Variants in FRY observed in about 807,000 individuals in gnomAD.
The protein encoded by FRY is FRY microtubule binding protein, also known as protein furry homolog.
A neutral mutation model predicts 348.4 loss-of-function variants in FRY; 128 were observed. The observed-to-expected ratio is 0.37, with a 90% confidence interval of 0.32 to 0.43. FRY has a LOEUF of 0.43. Ranked by LOEUF, FRY falls within the 20% of genes least tolerant of loss-of-function variation. FRY has a pLI of 1.00. For missense variants in FRY, 2,736 were observed against 3,695.2 expected (o/e 0.74, Z 6.73); for synonymous variants, 1,370 against 1,374.7 (o/e 1.00, Z 0.08).
At chr13:32,075,942 G>C (rs922072104) in intron 1 of FRY, among the ~76,000 whole-genome samples, 4 of 152,182 alleles carry the variant, frequency 2.6e-5, no homozygotes, top group African/African-American at 9.6e-5. Flanking sequence ...CAGTAAGGCT[G>C]TTCATATAGT....
At chr13:32,114,292 T>G (rs1878161450) in intron 3 of FRY, among the ~76,000 whole-genome samples, 1 of 152,228 alleles carries the variant, frequency 6.6e-6, no homozygotes, top group African/African-American at 2.4e-5. Context: ...CTATAGCATC[T>G]TACACTGCCA....
chr13:32,294,322 C>A, intron 59 of FRY, 46 bp from the exon 60 acceptor site: 2 of 1,356,532 alleles, frequency 1.5e-6, no homozygotes, highest in East Asian at 4.8e-5. Flanking sequence ...ATGTAAAATT[C>A]CCCCAGCACC....
intron 3 of FRY, among the ~76,000 whole-genome samples, chr13:32,108,318 C>T (rs145664887): frequency 3.0e-4 from 46 of 152,198 alleles, no homozygotes; most frequent in African/African-American, 1.1e-3. Context: ...GCAGTAGAAT[C>T]GATAGGATTT....
At chr13:32,231,708 G>A (rs1885924759) in intron 41 of FRY, among the ~76,000 whole-genome samples, 1 of 152,072 alleles carries the variant, frequency 6.6e-6, no homozygotes, top group South Asian at 2.1e-4. Flanking sequence ...AATGTTTTTG[G>A]CTTTAAAAGT....
At chr13:32,214,948 A>G (rs980829722) in intron 35 of FRY, among the ~76,000 whole-genome samples, 2 of 152,224 alleles carry the variant, frequency 1.3e-5, no homozygotes, top group East Asian at 1.9e-4. Context: ...TTACAACTAG[A>G]TTAATGGTTC....
intron 60 of FRY, among the ~76,000 whole-genome samples, chr13:32,294,878 T>C (rs1240092119): frequency 6.6e-6 from 1 of 152,234 alleles, no homozygotes; most frequent in Admixed American, 6.5e-5. Flanking sequence ...CATTCTGATA[T>C]TGTATTCACA....
chr13:32,255,963 G>A (rs547984374), intron 51 of FRY, among the ~76,000 whole-genome samples: 12 of 152,174 alleles, frequency 7.9e-5, no homozygotes, highest in East Asian at 1.9e-4. Context: ...TTCCTGTCTC[G>A]GCCAGAGAAA....
chr13:32,046,524 C>T (rs900950698), intron 1 of FRY, among the ~76,000 whole-genome samples: 1 of 152,192 alleles, frequency 6.6e-6, no homozygotes, highest in South Asian at 2.1e-4. Flanking sequence ...AGTATCAGCC[C>T]GTTTGTGTTA....
In FRY at chr13:32,131,822, C is replaced by T. The variant is rs1158226142; in HGVS notation, c.867C>T (p.Ala289=). ...IKMYPVEDFE[A]SLQFMQECAH... is the part of the protein sequence containing the mutation. ...TGTATCCAGTGGAGGATTTTGAGGC[C>T]TCTCTTCAGTTTATGCAGGTAATGT... Residue 289 remains alanine, a synonymous_variant, in exon 8 of 61, where the codon GCC becomes GCT. Transcript: ENST00000542859. 1.9e-6 allele frequency: 3 copies of T among 1,613,410 alleles called. No homozygotes were observed. The highest frequency in any genetic ancestry group is 2.7e-5 in the African/African-American group (2 of 74,900).
chr13:32,241,893 T>C (rs1336066920), intron 46 of FRY, among the ~76,000 whole-genome samples: 5 of 152,236 alleles, frequency 3.3e-5, no homozygotes, highest in Non-Finnish European at 7.3e-5. Flanking sequence ...TATTAACTTC[T>C]GTTTCAATTA....
In FRY at chr13:32,254,349, C is replaced by T; in HGVS notation, c.7371C>T (p.Val2457=). 1.2e-6 allele frequency: 2 copies of T among 1,614,094 alleles called. No individual in the cohort carries two copies. Among genetic ancestry groups the T allele is most frequent in the Non-Finnish European group, 1.7e-6 (2 of 1,179,982 alleles). Residue 2457 remains valine (V), a synonymous_variant, in exon 51 of 61, where the codon GTC becomes GTT. Transcript: ENST00000542859. Reference sequence around the variant, plus strand: ...CAAACAGCGAGCAGCAGTTTAGAGTCTTCAGAGACTTCGACTTCCTAGATG... The same window carrying T: ...CAAACAGCGAGCAGCAGTTTAGAGTTTTCAGAGACTTCGACTTCCTAGATG... The part of the protein sequence containing the change: ...DDTNSEQQFR[V]FRDFDFLDVE...
intron 17 of FRY, among the ~76,000 whole-genome samples, chr13:32,165,307 AT>A (rs1453686800): frequency 2.0e-5 from 3 of 152,242 alleles, no homozygotes; most frequent in Non-Finnish European, 4.4e-5. Flanking sequence ...CCTTTTCCAC[AT>A]ATGCCTGTGT....
Position 32,185,055 on chromosome 13 carries a change from C to T in FRY, c.3226C>T (p.Leu1076=), listed in dbSNP as rs773824706. Residue 1076 remains leucine, a synonymous_variant, in exon 26 of 61, where the codon CTA becomes TTA. Coordinates refer to ENST00000542859, the MANE Select transcript of FRY (RefSeq NM_023037.3). ...LEYVDLTRML[L]EAENDKEVEI... ...ATATGTGGACTTGACCCGCATGCTC[C>T]TAGAAGCTGAAAATGACAAAGAAGT... is the stretch of plus-strand genomic sequence containing the variant. The T allele has an allele frequency of 1.1e-5, 17 of 1,613,668 alleles. No homozygotes were observed. In the African/African-American group the frequency reaches 1.6e-4, roughly 15 times the overall value.
intron 51 of FRY, chr13:32,257,957 T>C: frequency 6.2e-7 from 1 of 1,607,314 alleles, no homozygotes; most frequent in Non-Finnish European, 8.5e-7. Flanking sequence ...TTCAATCTGC[T>C]ACCCAGGAAC....
chr13:32,138,848 A>T (rs1247665812), intron 11 of FRY, among the ~76,000 whole-genome samples: 1 of 152,226 alleles, frequency 6.6e-6, no homozygotes, highest in Non-Finnish European at 1.5e-5. Flanking sequence ...ATTGGAGGAT[A>T]TGTAATGAAG....
intron 1 of FRY, among the ~76,000 whole-genome samples, chr13:32,074,783 T>C (rs1419843571): frequency 1.3e-5 from 2 of 152,262 alleles, no homozygotes; most frequent in Non-Finnish European, 2.9e-5. Flanking sequence ...GAAGATGTGA[T>C]AAAGATTCTG....
In FRY at chr13:32,228,541, T is replaced by C; in HGVS notation, c.5292T>C (p.Ser1764=). 3 of 1,613,854 alleles carry C rather than the reference T, an allele frequency of 1.9e-6. No homozygotes were observed. The South Asian group carries it at 3.3e-5, about 18-fold the overall frequency. The change falls in exon 40 of 61, where the codon AGT becomes AGC. Residue 1764 remains serine (S), a synonymous_variant. Transcript: ENST00000542859. ...LSSSSTSSSI[S]LGGSSGNLPQ... is the part of the protein sequence containing the mutation. ...CAAGCTCCACCTCCTCTAGCATCAGTCTGGGAGGCAGCAGTGGAAACCTCC... is the reference window on the plus strand; with the variant it reads ...CAAGCTCCACCTCCTCTAGCATCAGCCTGGGAGGCAGCAGTGGAAACCTCC...
chr13:32,261,788 C>T lies in FRY; in HGVS notation c.7589C>T (p.Ala2530Val). 6.2e-7 allele frequency: 1 copy of T among 1,614,160 alleles called. No individual in the cohort carries two copies. The highest frequency in any genetic ancestry group is 8.5e-7 in the Non-Finnish European group (1 of 1,180,008). The change falls in exon 52 of 61, where the codon GCC becomes GTC. Residue 2530 changes from alanine to valine, a missense_variant. Ala to Val is a moderately conservative substitution (Grantham distance 64). Transcript: ENST00000542859. ...DESSEEEDLTASQILEHSDLI... is the reference protein window; with the variant it reads ...DESSEEEDLTVSQILEHSDLI... ...TCATCCGAGGAGGAGGACCTCACAGCCAGCCAGATCCTGGAGCACTCAGAC... is the reference window on the plus strand; with the variant it reads ...TCATCCGAGGAGGAGGACCTCACAGTCAGCCAGATCCTGGAGCACTCAGAC...
At position 32,124,331 on chromosome 13, in the gene FRY, C is replaced by A. The variant is rs1291779946; in HGVS notation, c.510C>A (p.Ala170=). 1 of 1,601,004 alleles carries A rather than the reference C, an allele frequency of 6.2e-7. No individual in the cohort carries two copies. The highest frequency in any genetic ancestry group is 8.6e-7 in the Non-Finnish European group (1 of 1,168,570). ...RDYLMERRDL[A]IDFIFSLVLI... ...ATTTAATGGAAAGACGGGACCTCGC[C>A]ATTGATTTTATTTTTTCTTTAGTAT... The change falls in exon 5 of 61, where the codon GCC becomes GCA. Residue 170 remains alanine (A), a synonymous_variant. Transcript: ENST00000542859.
Sources: gnomAD v4.1 joint callset for allele counts (sites outside exome capture counted in the v4.1 genomes callset) on GRCh38, gnomAD v4.1.1 for gene constraint, MANE v1.5 for transcripts, NCBI Gene and HGNC (gene_info 2026-07-23, HGNC 2026-07-21) for gene names.